CAPN15: variants seen among roughly 807,000 people sequenced by gnomAD.
The protein encoded by CAPN15 is calpain 15.
A neutral mutation model predicts 97.9 loss-of-function variants in CAPN15; 53 were observed. The observed-to-expected ratio is 0.54, with a 90% CI of 0.43 to 0.68. The LOEUF is 0.68. Among genes scored for constraint, CAPN15 ranks in the 30% least tolerant of loss-of-function variants. The pLI is 0.00. For missense variants in CAPN15, 1,592 were observed against 1,589.8 expected, an observed-to-expected ratio of 1.00 and a Z score of -0.02; for synonymous variants, 922 against 722.5, an observed-to-expected ratio of 1.28 and a Z score of -4.43.
At position 551,526 on chromosome 16, in the gene CAPN15, G is replaced by A. The variant is rs1375693876; in HGVS notation, c.2207G>A (p.Arg736Gln). Residue 736 changes from arginine (R) to glutamine (Q), a missense_variant, in exon 9 of 14, where the codon CGA (arginine) becomes CAA (glutamine). Arg to Gln is a conservative substitution (Grantham distance 43). Transcript: ENST00000219611. ...GTGGTCTGCAGGCTTCTGCGGCTCC[G>A]AAACCCGTGGGGCCGTTTCTCCTGG... ...DVQGTRLLRL[R>Q]NPWGRFSWNG... 6 of 1,610,236 alleles carry A rather than the reference G, an allele frequency of 3.7e-6. No homozygotes were observed. The highest frequency in any genetic ancestry group is 1.3e-5 in the African/African-American group (1 of 74,872).
chr16:537,304 C>T, intron 3 of CAPN15: 1 of 985,550 alleles, frequency 1.0e-6, no homozygotes, highest in Non-Finnish European at 1.2e-6. Flanking sequence ...GGCTGGTGAG[C>T]AGCTCGCTTC....
chr16:532,740 C>T (rs1232066568), intron 1 of CAPN15, among the ~76,000 whole-genome samples: 1 of 150,966 alleles, frequency 6.6e-6, no homozygotes, highest in Non-Finnish European at 1.5e-5. Context: ...GTAGTCCCAG[C>T]TACTCGGGAG....
At chr16:538,650 C>T (rs1199017769) in intron 3 of CAPN15, 1 of 152,186 alleles carries the variant, frequency 6.6e-6, no homozygotes, top group Non-Finnish European at 1.5e-5. Context: ...CCCCTCAGCC[C>T]CTGCCCTTGA....
chr16:540,733 C>T (rs988206999), intron 3 of CAPN15, among the ~76,000 whole-genome samples: 2 of 152,196 alleles, frequency 1.3e-5, no homozygotes, highest in African/African-American at 2.4e-5. Flanking sequence ...TGCCAGCACT[C>T]GCTGGGCTCC....
intron 3 of CAPN15, among the ~76,000 whole-genome samples, chr16:542,642 C>G (rs1310824297): frequency 6.6e-6 from 1 of 152,116 alleles, no homozygotes; most frequent in Non-Finnish European, 1.5e-5. Flanking sequence ...GGCTGGAGTA[C>G]AGTGGTGTGA....
chr16:532,241 A>G (rs1408539369), intron 1 of CAPN15, among the ~76,000 whole-genome samples: 2 of 144,716 alleles, frequency 1.4e-5, no homozygotes, highest in Non-Finnish European at 3.0e-5. Context: ...CTCCGTCTCA[A>G]AAAAAAAAAA....
In CAPN15 at chr16:553,320, C is replaced by T; in HGVS notation, c.3084-19C>T. Reference sequence around the variant, plus strand: ...CCCCACCCTGCCCTCCACAGGTCCTCACCGGTCCCCTCCCCCAGGCAGGTC... The same window carrying T: ...CCCCACCCTGCCCTCCACAGGTCCTTACCGGTCCCCTCCCCCAGGCAGGTC... On this transcript the variant is annotated intron_variant, in intron 13 of 13. Transcript: ENST00000219611. 4 of 1,584,474 alleles carry T rather than the reference C, an allele frequency of 2.5e-6. No individual in the cohort carries two copies. In the South Asian group the frequency reaches 3.4e-5, roughly 13 times the overall value.
intron 7 of CAPN15, among the ~76,000 whole-genome samples, chr16:550,696 TCCC>T (rs2034936906): frequency 1.2e-4 from 4 of 32,348 alleles, no homozygotes; most frequent in Non-Finnish European, 2.1e-4. Context: ...TCGGTGAGGG[TCCC>T]GGTCGGTGAG....
intron 3 of CAPN15, chr16:537,477 G>A: frequency 1.0e-6 from 1 of 982,470 alleles, no homozygotes; most frequent in Non-Finnish European, 1.2e-6. Flanking sequence ...GCTGAGGTTG[G>A]CCCTGGCAGG....
Position 552,766 on chromosome 16 carries a change from C to T in CAPN15, c.2899C>T (p.His967Tyr), listed in dbSNP as rs913890566. 1 of 1,530,668 alleles carries T rather than the reference C, an allele frequency of 6.5e-7. No homozygotes were observed. The highest frequency in any genetic ancestry group is 8.8e-7 in the Non-Finnish European group (1 of 1,136,734). 94.8% of individuals were successfully genotyped at this position (1,530,668 alleles called of 1,614,324 possible). Residue 967 changes from histidine (H) to tyrosine (Y), a missense_variant, in exon 12 of 14, where the codon CAC becomes TAC. This residue lies in a region of CAPN15 where 644 missense variants were observed against 699.6 expected (regional missense o/e 0.92). Transcript: ENST00000219611. The surrounding 1 kb of genome is among the most constrained non-coding windows in gnomAD (Gnocchi z 6.4). Reference protein sequence around the residue: ...ILLTESRGERHEGREGMTCYY... With the variant: ...ILLTESRGERYEGREGMTCYY... ...GCTCACCGAGAGCCGCGGAGAGCGGCACGAGGTGGGTGGGGGTCCCGGGGG... is the reference window on the plus strand; with the variant it reads ...GCTCACCGAGAGCCGCGGAGAGCGGTACGAGGTGGGTGGGGGTCCCGGGGG...
chr16:544,484 C>T (rs945086621), intron 3 of CAPN15, among the ~76,000 whole-genome samples: 11 of 152,152 alleles, frequency 7.2e-5, no homozygotes, highest in East Asian at 3.9e-4. Context: ...GCGGCCTCCA[C>T]GCTCCGGGTG....
chr16:551,625 G>T lies in CAPN15; in HGVS notation c.2306G>T (p.Ser769Ile). ...LRGELMPHGS[S>I]EGVFWMEYGD... ...GGCGAGCTCATGCCGCACGGCAGCA[G>T]TGAGGGTGTCTTCTGGATGGAGTAC... is the stretch of plus-strand genomic sequence containing the variant. Residue 769 changes from serine to isoleucine, a missense_variant, in exon 9 of 14, where the codon AGT (serine) becomes ATT (isoleucine). Ser to Ile is a moderately radical substitution (Grantham distance 142, BLOSUM62 -2). This residue lies in a region of CAPN15 where 644 missense variants were observed against 699.6 expected (regional missense o/e 0.92). Transcript: ENST00000219611. 6.2e-7 allele frequency: 1 copy of T among 1,605,390 alleles called. No individual in the cohort carries two copies. Among genetic ancestry groups the T allele is most frequent in the Non-Finnish European group, 8.5e-7 (1 of 1,178,308 alleles).
intron 2 of CAPN15, among the ~76,000 whole-genome samples, chr16:534,252 G>A (rs2033534820): frequency 6.6e-6 from 1 of 152,264 alleles, no homozygotes; most frequent in African/African-American, 2.4e-5. Flanking sequence ...GTCCCTTTGG[G>A]GACCTCCCCT....
rs1244895073 is a variant in CAPN15 at position 552,025 on chromosome 16, G to A, written c.2346-26G>A. 2 of 1,545,766 alleles carry A rather than the reference G, an allele frequency of 1.3e-6. No homozygotes were observed. Among genetic ancestry groups the A allele is most frequent in the Non-Finnish European group, 1.7e-6 (2 of 1,145,292 alleles). The stretch of plus-strand genomic sequence containing the variant: ...GGAGGTGTGGGCCGTGGTAGGCTCA[G>A]GGCCCCGTCCTCCCGCCACCTGCAG... On this transcript the variant is annotated intron_variant, in intron 9 of 13. Transcript: ENST00000219611. The surrounding 1 kb of genome is among the most constrained non-coding windows in gnomAD (Gnocchi z 6.4).
chr16:532,108 T>C (rs2033305561), intron 1 of CAPN15, among the ~76,000 whole-genome samples: 1 of 151,250 alleles, frequency 6.6e-6, no homozygotes, highest in Admixed American at 6.6e-5. Flanking sequence ...GGTGTGGTGG[T>C]GTGTGCCTGT....
chr16:548,223 G>A lies in CAPN15; in HGVS notation c.1385G>A (p.Arg462Gln), dbSNP rs1489369665. The A allele has an allele frequency of 8.4e-6, 13 of 1,550,186 alleles. No individual in the cohort carries two copies. The highest frequency in any genetic ancestry group is 1.7e-4 in the Middle Eastern group (1 of 5,944). Residue 462 changes from arginine (R) to glutamine (Q), a missense_variant, in exon 4 of 14, where the codon CGG becomes CAG. By Grantham distance (43) the Arg-to-Gln change is conservative. This residue lies in a region of CAPN15 where 883 missense variants were observed against 776.6 expected (regional missense o/e 1.14). Transcript: ENST00000219611. ...AGGGAGAGCATGCACGTGGAGCAGC[G>A]GCGGCAGACAGACGAGGGCGAGGCC... ...RRRESMHVEQ[R>Q]RQTDEGEAKA...
rs1247396565 is a variant in CAPN15 at position 527,778 on chromosome 16, C to A, written c.-441C>A. ...GCGCGCCGTAGCCGCGGGGCCCGGGCCGGGCGCTACGCTACGAAGGCAGCG... is the reference window on the plus strand; with the variant it reads ...GCGCGCCGTAGCCGCGGGGCCCGGGACGGGCGCTACGCTACGAAGGCAGCG... On this transcript the variant is annotated 5_prime_UTR_variant, in exon 1 of 14. Transcript: ENST00000219611. 1.3e-5 allele frequency: 2 copies of A among 149,518 alleles called. No homozygotes were observed. Among genetic ancestry groups the A allele is most frequent in the Non-Finnish European group, 3.0e-5 (2 of 67,102 alleles). 9.3% of individuals were successfully genotyped at this position (149,518 alleles called of 1,614,324 possible).
rs1184259942 is a variant in CAPN15 at position 551,654 on chromosome 16, G to A, written c.2335G>A (p.Asp779Asn). ...SEGVFWMEYGDFVRYFDSVDI... is the reference protein window; with the variant it reads ...SEGVFWMEYGNFVRYFDSVDI... ...GGGTGTCTTCTGGATGGAGTACGGC[G>A]ACTTTGTCAGGTATCGGCACCGTGG... The change falls in exon 9 of 14, where the codon GAC becomes AAC. Residue 779 changes from aspartate (D) to asparagine (N), a missense_variant. Asp to Asn is a conservative substitution (Grantham distance 23). Coordinates refer to ENST00000219611, the MANE Select transcript of CAPN15 (RefSeq NM_005632.3). 1.9e-6 allele frequency: 3 copies of A among 1,592,166 alleles called. No individual in the cohort carries two copies. The highest frequency in any genetic ancestry group is 1.1e-5 in the South Asian group (1 of 90,870).
chr16:550,025 G>T (rs963322085), intron 7 of CAPN15, among the ~76,000 whole-genome samples, 187 bp downstream of exon 7: 2 of 152,228 alleles, frequency 1.3e-5, no homozygotes, highest in Non-Finnish European at 2.9e-5. Flanking sequence ...GCTGGAGCTG[G>T]CCTTCTCATG....
Sources: allele counts gnomAD v4.1 joint callset (sites outside exome capture counted in the v4.1 genomes callset), GRCh38; gene constraint gnomAD v4.1.1; regional missense constraint gnomAD v4.1.1; non-coding constraint Gnocchi (gnomAD v3.1); transcripts MANE v1.5; gene names NCBI Gene and HGNC (gene_info 2026-07-23, HGNC 2026-07-21).